The following EIF4B variants were observed in gnomAD, a reference collection of about 807,000 sequenced individuals.
EIF4B encodes the protein eukaryotic translation initiation factor 4B.
Under a neutral mutation model 79.3 loss-of-function variants are expected in EIF4B, and 8 were observed. The observed-to-expected ratio is 0.10, with a 90% CI of 0.06 to 0.18. The LOEUF is 0.18. EIF4B is among the 10% of genes least tolerant of loss of function. The pLI is 1.00. For missense variants in EIF4B, 515 were observed against 792.4 expected (o/e 0.65, Z 4.20); for synonymous variants, 238 against 274.7 (o/e 0.87, Z 1.32).
intron 11 of EIF4B, 71 bp from the exon 12 acceptor site, chr12:53,038,285 G>A (rs1943571306): frequency 7.1e-7 from 1 of 1,403,268 alleles, no homozygotes; most frequent in African/African-American, 1.5e-5. Flanking sequence ...TGCATTTGGA[G>A]GATGATTATG....
intron 13 of EIF4B, 140 bp from the exon 14 acceptor site, chr12:53,039,490 C>T: frequency 7.9e-7 from 1 of 1,265,110 alleles, no homozygotes; most frequent in East Asian, 2.5e-5. Context: ...TTCTGAAAAT[C>T]TAGAAGTAAT....
In EIF4B at chr12:53,006,503, G is replaced by T. The variant is rs367624532; in HGVS notation, c.13+7G>T. 1.0e-4 allele frequency: 166 copies of T among 1,613,442 alleles called. No individual in the cohort carries two copies. The highest frequency in any genetic ancestry group is 1.6e-4 in the Middle Eastern group (1 of 6,084). Reference sequence around the variant, plus strand: ...CCCAACATGGCGGCCTCAGGTGAGCGAGCAGCCGAGCGCGGCCAAGGACTG... The same window carrying T: ...CCCAACATGGCGGCCTCAGGTGAGCTAGCAGCCGAGCGCGGCCAAGGACTG... On this transcript the variant is annotated splice_region_variant and intron_variant, in intron 1 of 14. Transcript: ENST00000262056.
chr12:53,020,433 T>G (rs1440046591), intron 4 of EIF4B, among the ~76,000 whole-genome samples: 1 of 152,202 alleles, frequency 6.6e-6, no homozygotes, highest in African/African-American at 2.4e-5. Context: ...GGAAGTGTTG[T>G]AATGGTATAT....
chr12:53,025,658 T>C (rs1313809780), intron 6 of EIF4B, among the ~76,000 whole-genome samples: 1 of 152,240 alleles, frequency 6.6e-6, no homozygotes. Flanking sequence ...TTTTCTTATA[T>C]GTGTCCTGTT....
In EIF4B at chr12:53,027,795, T is replaced by C. The variant is rs751472128; in HGVS notation, c.681T>C (p.Arg227=). 14 of 1,613,450 alleles carry C rather than the reference T, an allele frequency of 8.7e-6. No individual in the cohort carries two copies. The highest frequency in any genetic ancestry group is 1.1e-5 in the Non-Finnish European group (13 of 1,180,018). ...DDSFGDKYRD[R]YDSDRYRDGY... ...TGTTTCCTCTAGAGTATCGAGATCG[T>C]TATGATTCAGACCGGTATCGGGATG... Residue 227 remains arginine (R), a synonymous_variant, in exon 7 of 15, where the codon CGT becomes CGC. Coordinates refer to ENST00000262056, the MANE Select transcript of EIF4B (RefSeq NM_001417.7).
chr12:53,007,016 G>A (rs1942975503), intron 1 of EIF4B, among the ~76,000 whole-genome samples: 1 of 152,134 alleles, frequency 6.6e-6, no homozygotes, highest in African/African-American at 2.4e-5. Flanking sequence ...AGCGGTGCGC[G>A]TGCGCGGTAG....
chr12:53,041,740 T>C lies in EIF4B; in HGVS notation c.*1517T>C, dbSNP rs1038758285. 2.6e-5 allele frequency: 4 copies of C among 152,174 alleles called. No individual in the cohort carries two copies. Among genetic ancestry groups the C allele is most frequent in the Non-Finnish European group, 5.9e-5 (4 of 68,032 alleles). 9.4% of individuals were successfully genotyped at this position (152,174 alleles called of 1,614,324 possible). Reference sequence around the variant, plus strand: ...TCAGCCATGCAGGGGTGTTGGTTTATGCGTGCTGCAGCAGTGGGCATAATG... The same window carrying C: ...TCAGCCATGCAGGGGTGTTGGTTTACGCGTGCTGCAGCAGTGGGCATAATG... On this transcript the variant is annotated 3_prime_UTR_variant, in exon 15 of 15. Transcript: ENST00000262056.
At position 53,009,382 on chromosome 12, in the gene EIF4B, G is replaced by A. The variant is rs182382373; in HGVS notation, c.13+2886G>A. ...CCACTAAAAATACAAAAATTAGCGGGGTTTTGGGCTGGGCGTGGTGGCTCA... is the reference window on the plus strand; with the variant it reads ...CCACTAAAAATACAAAAATTAGCGGAGTTTTGGGCTGGGCGTGGTGGCTCA... On this transcript the variant is annotated intron_variant, in intron 1 of 14. Transcript: ENST00000262056. Among the ~76,000 whole-genome samples, 873 of 151,804 alleles carry A rather than the reference G, an allele frequency of 5.8e-3. 10 individuals carry two copies. The highest frequency in any genetic ancestry group is 0.02 in the African/African-American group (830 of 41,430).
At chr12:53,012,352 G>T (rs1943078206) in intron 1 of EIF4B, 2 of 151,908 alleles carry the variant, frequency 1.3e-5, no homozygotes, top group Non-Finnish European at 2.9e-5. Flanking sequence ...GTTGGGAGTT[G>T]GAGACCAGCC....
rs539094521 is a variant in EIF4B at position 53,019,194 on chromosome 12, T to C, written c.360+188T>C. The stretch of plus-strand genomic sequence containing the variant: ...CGGGTGGATCATTTGAGGTCAGGAA[T>C]TCGAGTCCAGCCTGGCTAACGTGGT... On this transcript the variant is annotated intron_variant, in intron 3 of 14. Coordinates refer to ENST00000262056, the MANE Select transcript of EIF4B (RefSeq NM_001417.7). 9.2e-5 allele frequency among the ~76,000 whole-genome samples: 14 copies of C among 152,154 alleles called. No homozygotes were observed. In the South Asian group the frequency reaches 1.2e-3, roughly 14 times the overall value.
At chr12:53,024,981 C>T (rs1371796181) in intron 6 of EIF4B, among the ~76,000 whole-genome samples, 1 of 152,034 alleles carries the variant, frequency 6.6e-6, no homozygotes, top group East Asian at 1.9e-4. Flanking sequence ...TGTGAGGTAC[C>T]TTTTGAGCTT....
At chr12:53,021,765 A>G in intron 4 of EIF4B, 41 bp from the exon 5 acceptor site, 1 of 1,613,202 alleles carries the variant, frequency 6.2e-7, no homozygotes, top group Middle Eastern at 1.7e-4. Context: ...ATTTGTGCAT[A>G]ATGGGGCAAA....
chr12:53,010,700 G>A (rs1008613171), intron 1 of EIF4B, among the ~76,000 whole-genome samples: 18 of 152,204 alleles, frequency 1.2e-4, no homozygotes, highest in Admixed American at 7.2e-4. Flanking sequence ...AGGCTGGAGT[G>A]CAGTGGCGTG....
intron 1 of EIF4B, among the ~76,000 whole-genome samples, chr12:53,015,391 T>C (rs539955761): frequency 6.6e-6 from 1 of 152,310 alleles, no homozygotes; most frequent in Admixed American, 6.5e-5. Flanking sequence ...TGTAAATTGA[T>C]AGTTGTGGCC....
intron 1 of EIF4B, among the ~76,000 whole-genome samples, chr12:53,010,485 A>G (rs556002709): frequency 6.6e-6 from 1 of 152,302 alleles, no homozygotes; most frequent in African/African-American, 2.4e-5. Context: ...TGAAGGTGAA[A>G]TATTGTATTA....
intron 4 of EIF4B, among the ~76,000 whole-genome samples, chr12:53,021,340 C>G (rs1038653991): frequency 6.6e-6 from 1 of 152,104 alleles, no homozygotes; most frequent in Non-Finnish European, 1.5e-5. Context: ...GCTATATTGC[C>G]CAGGCTGGAT....
intron 8 of EIF4B, among the ~76,000 whole-genome samples, chr12:53,030,951 C>G (rs1222435721): frequency 6.6e-6 from 1 of 152,006 alleles, no homozygotes; most frequent in Non-Finnish European, 1.5e-5. Flanking sequence ...CCTTACCTCC[C>G]CACCAAGAGC....
At position 53,018,891 on chromosome 12, in the gene EIF4B, A is replaced by G. The variant is rs1943191569; in HGVS notation, c.245A>G (p.Glu82Gly). The change falls in exon 3 of 15, where the codon GAA becomes GGA. Residue 82 changes from glutamate (E) to glycine (G), a missense_variant. Coordinates refer to ENST00000262056, the MANE Select transcript of EIF4B (RefSeq NM_001417.7). The stretch of plus-strand genomic sequence containing the variant: ...CCCACTGCTCCACGGGCTGCTCGGG[A>G]ACCCAATATCGACCGGAGCCGTCTT... Reference protein sequence around the residue: ...ILPTAPRAAREPNIDRSRLPK... With the variant: ...ILPTAPRAARGPNIDRSRLPK... The G allele has an allele frequency of 6.2e-7, 1 of 1,613,776 alleles. No homozygotes were observed. Among genetic ancestry groups the G allele is most frequent in the African/African-American group, 1.3e-5 (1 of 74,896 alleles).
chr12:53,023,962 G>A lies in EIF4B; in HGVS notation c.667+1335G>A, dbSNP rs1248824916. Among the ~76,000 whole-genome samples the A allele has an allele frequency of 2.0e-5, 3 of 152,264 alleles. No individual in the cohort carries two copies. In the East Asian group the frequency reaches 5.8e-4, roughly 29 times the overall value. On this transcript the variant is annotated intron_variant, in intron 6 of 14. Coordinates refer to ENST00000262056, the MANE Select transcript of EIF4B (RefSeq NM_001417.7). ...TATAGCAGTGAACAAAGATACAGCA[G>A]TGTAATTTTTTTCTAATAAAAATTG... is the stretch of plus-strand genomic sequence containing the variant.
Sources: gnomAD v4.1 joint callset for allele counts (sites outside exome capture counted in the v4.1 genomes callset) on GRCh38, gnomAD v4.1.1 for gene constraint, MANE v1.5 for transcripts, NCBI Gene and HGNC (gene_info 2026-07-23, HGNC 2026-07-21) for gene names.